The following YAF2 variants were observed in gnomAD, a reference collection of about 807,000 sequenced individuals.
The protein encoded by YAF2 is YY1-associated factor 2.
In YAF2, 7 loss-of-function variants were observed where a neutral mutation model predicts 20.1. The observed-to-expected ratio is 0.35, with a 90% confidence interval of 0.20 to 0.65. The LOEUF (loss-of-function observed/expected upper bound fraction) is 0.65, where lower values mean the gene tolerates loss of function less well. YAF2 is among the 30% of genes least tolerant of loss of function. YAF2 has a pLI of 0.69. For synonymous variants in YAF2, 74 were observed against 76.0 expected (o/e 0.97, Z 0.14); for missense variants, 151 against 219.2 (o/e 0.69, Z 1.96).
chr12:42,218,516 G>A (rs1396512695), intron 2 of YAF2, among the ~76,000 whole-genome samples: 1 of 152,004 alleles, frequency 6.6e-6, no homozygotes, highest in Non-Finnish European at 1.5e-5. Context: ...TTTTTAAAAT[G>A]TATGTGTCTT....
At chr12:42,233,368 T>C (rs1049398405) in intron 2 of YAF2, 1 of 985,152 alleles carries the variant, frequency 1.0e-6, no homozygotes, top group Non-Finnish European at 1.2e-6. Flanking sequence ...AAATATTTGC[T>C]ATCTGAATTA....
intron 2 of YAF2, among the ~76,000 whole-genome samples, chr12:42,184,686 G>T (rs910453763): frequency 6.6e-6 from 1 of 152,092 alleles, no homozygotes; most frequent in Admixed American, 6.5e-5. Context: ...GATGGATCTC[G>T]GCAAAGTAGA....
intron 2 of YAF2, among the ~76,000 whole-genome samples, chr12:42,169,835 T>C (rs566693263): frequency 6.6e-6 from 1 of 152,004 alleles, no homozygotes; most frequent in African/African-American, 2.4e-5. Flanking sequence ...TAGAGATATA[T>C]AGTAGAAGAG....
rs550266174 is a variant in YAF2, at chr12:42,183,377, G to A, written c.153-21612C>T. 1.6e-4 allele frequency among the ~76,000 whole-genome samples: 24 copies of A among 152,286 alleles called. No homozygotes were observed. In the East Asian group the frequency reaches 1.7e-3, roughly 11 times the overall value. ...TAGTGAGGAAGGCATGTCAAAAGCC[G>A]AGACAGACCAAAAGCTAGGCCTTTT... On this transcript the variant is annotated intron_variant, in intron 2 of 3. Transcript: ENST00000534854.
intron 2 of YAF2, among the ~76,000 whole-genome samples, chr12:42,176,572 A>G (rs1320756664): frequency 6.6e-6 from 1 of 152,146 alleles, no homozygotes; most frequent in Non-Finnish European, 1.5e-5. Flanking sequence ...ACTCACATCT[A>G]AGTCACCATC....
intron 2 of YAF2, among the ~76,000 whole-genome samples, chr12:42,206,704 CA>C (rs931777807): frequency 2.8e-4 from 42 of 147,614 alleles, no homozygotes; most frequent in African/African-American, 6.4e-4. Context: ...TCTTTAATGA[CA>C]AAAAAAAAAT....
At position 42,210,709 on chromosome 12, in the gene YAF2, T is replaced by G. The variant is rs759799904; in HGVS notation, c.152+26890A>C. On this transcript the variant is annotated intron_variant, in intron 2 of 3. Transcript: ENST00000534854. ...TCAGAATAAGAAGATTATTTCATTT[T>G]ATTTGAGATTATTATCACACGTAGA... 15 of 1,519,320 alleles carry G rather than the reference T, an allele frequency of 9.9e-6. No individual in the cohort carries two copies. The South Asian group carries it at 1.8e-4, about 18-fold the overall frequency. The allele number at this position is 1,519,320 out of a possible 1,614,324, so 94.1% of individuals were successfully genotyped here. A position where few individuals can be genotyped will look rare whatever the true frequency, so the allele number is the denominator to read the frequency against.
At chr12:42,186,437 G>C (rs897148961) in intron 2 of YAF2, among the ~76,000 whole-genome samples, 3 of 151,874 alleles carry the variant, frequency 2.0e-5, no homozygotes, top group Non-Finnish European at 4.4e-5. Flanking sequence ...CTTTCCTGAG[G>C]GGGGCAGAGG....
chr12:42,224,053 A>G (rs1483790006), intron 2 of YAF2, among the ~76,000 whole-genome samples: 1 of 152,212 alleles, frequency 6.6e-6, no homozygotes, highest in Non-Finnish European at 1.5e-5. Context: ...AAATAAATAA[A>G]TAAATAATAA....
Position 42,235,083 on chromosome 12 carries a change from G to C in YAF2, c.152+2516C>G, listed in dbSNP as rs1038222113. On this transcript the variant is annotated intron_variant, in intron 2 of 3. Coordinates refer to ENST00000534854, the MANE Select transcript of YAF2 (RefSeq NM_005748.6). The stretch of plus-strand genomic sequence containing the variant: ...AAGAAAAAAGTTTTTCAAATGTCTA[G>C]AATGGCTTAGACTTGGCCTAACATT... 5.1e-6 allele frequency: 5 copies of C among 985,468 alleles called. No homozygotes were observed. In the African/African-American group the frequency reaches 5.2e-5, roughly 10 times the overall value. The allele number at this position is 985,468 out of a possible 1,614,324, so 61.0% of individuals were successfully genotyped here.
At chr12:42,227,897 G>A (rs368931884) in intron 2 of YAF2, among the ~76,000 whole-genome samples, 6,806 of 134,904 alleles carry the variant, frequency 0.05, 274 homozygotes, top group East Asian at 0.12. Context: ...GGTGAGGGGC[G>A]CCTCTGCCCG....
intron 1 of YAF2, 103 bp from the exon 2 acceptor site, chr12:42,237,827 C>T: frequency 1.2e-5 from 11 of 937,998 alleles, no homozygotes; most frequent in African/African-American, 1.9e-5. Context: ...CGCCCCAATT[C>T]TGCGACCCCC....
rs712111 is a variant in YAF2, at chr12:42,167,184, A to C, written c.153-5419T>G. On this transcript the variant is annotated intron_variant, in intron 2 of 3. Transcript: ENST00000534854. ...GGGAGAGTATTAGGACAAATACCTA[A>C]TGCATGCGGGGTTTAAAACCTAGAT... is the stretch of plus-strand genomic sequence containing the variant. Among the ~76,000 whole-genome samples the C allele has an allele frequency of 9.5e-3, 1,443 of 152,234 alleles. 30 individuals carry two copies. Among genetic ancestry groups the C allele is most frequent in the African/African-American group, 0.032 (1,348 of 41,524 alleles).
intron 2 of YAF2, chr12:42,233,632 C>T (rs2068047244): frequency 4.8e-6 from 3 of 622,774 alleles, no homozygotes; most frequent in Non-Finnish European, 6.0e-6. Context: ...CCACTTCAGC[C>T]TCCTGAGTAG....
In YAF2 at chr12:42,159,982, G is replaced by C. The variant is rs1292997034; in HGVS notation, c.*607C>G. ...GCAAACAAAAAAACCTCAAAAAATA[G>C]ATAAAACCAGAAACATAATTCAGGA... On this transcript the variant is annotated 3_prime_UTR_variant, in exon 4 of 4. Coordinates refer to ENST00000534854, the MANE Select transcript of YAF2 (RefSeq NM_005748.6). 2 of 152,374 alleles carry C rather than the reference G, an allele frequency of 1.3e-5. No individual in the cohort carries two copies. The highest frequency in any genetic ancestry group is 4.8e-5 in the African/African-American group (2 of 41,400). 9.4% of individuals were successfully genotyped at this position (152,374 alleles called of 1,614,324 possible).
intron 2 of YAF2, among the ~76,000 whole-genome samples, chr12:42,168,264 C>T (rs1055708309): frequency 2.8e-4 from 43 of 151,482 alleles, no homozygotes; most frequent in South Asian, 4.2e-4. Flanking sequence ...CTGCAACCTC[C>T]GCCTTGTGGG....
chr12:42,233,758 CTG>C, intron 2 of YAF2: 1 of 983,576 alleles, frequency 1.0e-6, no homozygotes, highest in Non-Finnish European at 1.2e-6. Flanking sequence ...AGAAATCCTC[CTG>C]TCTCAGCCTC....
At chr12:42,225,005 C>T (rs9669751) in intron 2 of YAF2, among the ~76,000 whole-genome samples, 2,750 of 152,256 alleles carry the variant, frequency 0.018, 84 homozygotes, top group African/African-American at 0.062. Flanking sequence ...AGTGTAAAAG[C>T]GTTCCTATTT....
chr12:42,164,844 C>G (rs568084486), intron 2 of YAF2, among the ~76,000 whole-genome samples: 2 of 152,006 alleles, frequency 1.3e-5, no homozygotes, highest in Non-Finnish European at 2.9e-5. Context: ...CCAAGGCAGG[C>G]AGATCATTTG....
Sources: allele counts gnomAD v4.1 joint callset (sites outside exome capture counted in the v4.1 genomes callset), GRCh38; gene constraint gnomAD v4.1.1; transcripts MANE v1.5; gene names NCBI Gene and HGNC (gene_info 2026-07-23, HGNC 2026-07-21).